The following PSMD1 variants were observed in gnomAD, a reference collection of about 807,000 sequenced individuals.
PSMD1 encodes 26S proteasome non-ATPase regulatory subunit 1.
PSMD1 carries 18 observed loss-of-function variants against 119.0 expected under a neutral mutation model. The ratio of observed to expected loss-of-function variants is 0.15; its 90% CI spans 0.10 to 0.22. PSMD1 has a LOEUF of 0.22. Among genes scored for constraint, PSMD1 ranks in the 10% least tolerant of loss-of-function variants. The pLI is 1.00. For synonymous variants in PSMD1, 374 were observed against 396.6 expected, an observed-to-expected ratio of 0.94 and a Z score of 0.68; for missense variants, 702 against 1,158.5, an observed-to-expected ratio of 0.61 and a Z score of 5.72.
chr2:231,083,827 C>T (rs1694371242), intron 14 of PSMD1, 64 bp downstream of exon 14: 1 of 1,489,430 alleles, frequency 6.7e-7, no homozygotes. Flanking sequence ...CTTAACTTCA[C>T]TGGAAATTAA....
At position 231,170,869 on chromosome 2, in the gene PSMD1, T is replaced by C; in HGVS notation, c.*9+148T>C. On this transcript the variant is annotated intron_variant, in intron 24 of 24. Coordinates refer to ENST00000308696, the MANE Select transcript of PSMD1 (RefSeq NM_002807.4). The surrounding 1 kb of genome is among the most constrained non-coding windows in gnomAD (Gnocchi z 4.1). ...TATTAAAACTTCCCCGTTTCAACCT[T>C]TTTCTGCATATATAACCACAAATTC... 1.2e-6 allele frequency: 1 copy of C among 838,844 alleles called. No homozygotes were observed. Among genetic ancestry groups the C allele is most frequent in the Non-Finnish European group, 1.7e-6 (1 of 575,968 alleles). 52.0% of individuals were successfully genotyped at this position (838,844 alleles called of 1,614,324 possible). A position where few individuals can be genotyped will look rare whatever the true frequency, so the allele number is the denominator to read the frequency against.
At chr2:231,069,919 G>T in intron 5 of PSMD1, 106 bp from the exon 6 acceptor site, 2 of 927,788 alleles carry the variant, frequency 2.2e-6, no homozygotes, top group Non-Finnish European at 2.9e-6. Context: ...TAAATAATTG[G>T]CTTCCTAGAT....
rs1191467631 is a variant in PSMD1, at chr2:231,146,277, C to T, written c.2036C>T (p.Pro679Leu). The stretch of plus-strand genomic sequence containing the variant: ...TTGCTAGAACCAATGACAAACGACC[C>T]CGTGAACTACGTGAGGCAAGGGGCA... ...INLLEPMTND[P>L]VNYVRQGALI... Residue 679 changes from proline (P) to leucine (L), a missense_variant, in exon 18 of 25, where the codon CCC becomes CTC. Pro to Leu is a moderately conservative substitution (Grantham distance 98). Transcript: ENST00000308696. The T allele has an allele frequency of 1.2e-6, 2 of 1,613,716 alleles. No homozygotes were observed. The highest frequency in any genetic ancestry group is 1.7e-6 in the Non-Finnish European group (2 of 1,179,820).
intron 16 of PSMD1, among the ~76,000 whole-genome samples, chr2:231,096,898 G>C (rs867847548): frequency 6.6e-6 from 1 of 152,218 alleles, no homozygotes; most frequent in Non-Finnish European, 1.5e-5. Flanking sequence ...GAATGAGTTA[G>C]GGTGGAGCAG....
intron 1 of PSMD1, among the ~76,000 whole-genome samples, 156 bp from the exon 2 acceptor site, chr2:231,061,111 T>C (rs115169600): frequency 0.01 from 1,585 of 152,366 alleles, 17 homozygotes; most frequent in Middle Eastern, 0.02. Context: ...ACTTGAGATA[T>C]AAACCTTTAC....
intron 16 of PSMD1, among the ~76,000 whole-genome samples, chr2:231,132,315 T>C (rs1559244653): frequency 6.6e-6 from 1 of 152,232 alleles, no homozygotes; most frequent in Non-Finnish European, 1.5e-5. Context: ...GATAAGCTCT[T>C]TCCTGTGAGT....
intron 16 of PSMD1, among the ~76,000 whole-genome samples, chr2:231,125,961 C>T (rs990417645): frequency 6.6e-6 from 1 of 152,174 alleles, no homozygotes; most frequent in Non-Finnish European, 1.5e-5. Context: ...CTGCTGAGCA[C>T]TTCAGATTTT....
intron 23 of PSMD1, among the ~76,000 whole-genome samples, chr2:231,167,518 C>G (rs1696815836): frequency 6.6e-6 from 1 of 152,152 alleles, no homozygotes; most frequent in Non-Finnish European, 1.5e-5. Flanking sequence ...AAAAGACTGC[C>G]TATGTCTGTG....
At chr2:231,083,105 T>C (rs1694353954) in intron 13 of PSMD1, 111 bp downstream of exon 13, 11 of 843,688 alleles carry the variant, frequency 1.3e-5, no homozygotes, top group Non-Finnish European at 2.0e-5. Context: ...TGGATTTCTC[T>C]AGTTGAAGAG....
chr2:231,083,491 G>C, intron 13 of PSMD1, 76 bp from the exon 14 acceptor site: 1 of 1,468,590 alleles, frequency 6.8e-7, no homozygotes, highest in Non-Finnish European at 9.5e-7. Context: ...TGCAAAAAGA[G>C]TGCTACTTTC....
chr2:231,139,083 A>T, intron 17 of PSMD1: 1 of 546,886 alleles, frequency 1.8e-6, no homozygotes, highest in Non-Finnish European at 3.3e-6. Flanking sequence ...GTGCTTTTGA[A>T]TTTCTTTTTG....
At chr2:231,164,767 A>C (rs1696717811) in intron 21 of PSMD1, among the ~76,000 whole-genome samples, 1 of 151,880 alleles carries the variant, frequency 6.6e-6, no homozygotes, top group South Asian at 2.1e-4. Flanking sequence ...TAGTCCAGAG[A>C]GGATATCTAC....
intron 16 of PSMD1, among the ~76,000 whole-genome samples, chr2:231,112,309 C>T (rs1295517628): frequency 6.6e-6 from 1 of 152,340 alleles, no homozygotes; most frequent in African/African-American, 2.4e-5. Context: ...TCTGTAGCTG[C>T]TTTTGGGGGG....
chr2:231,127,798 T>G, intron 16 of PSMD1, among the ~76,000 whole-genome samples: 1 of 152,338 alleles, frequency 6.6e-6, no homozygotes, highest in South Asian at 2.1e-4. Context: ...ATAAGAAATA[T>G]AAAAGTATGA....
intron 19 of PSMD1, among the ~76,000 whole-genome samples, chr2:231,159,468 A>T (rs1416909275): frequency 6.6e-6 from 1 of 152,028 alleles, no homozygotes; most frequent in Non-Finnish European, 1.5e-5. Flanking sequence ...TTAAAAACAA[A>T]ATGACCTAGT....
chr2:231,096,484 ATGATGT>A (rs1280078392), intron 16 of PSMD1, among the ~76,000 whole-genome samples: 3 of 152,150 alleles, frequency 2.0e-5, no homozygotes, highest in African/African-American at 7.2e-5. Context: ...GCCCTTCTGC[ATGATGT>A]TGTTTAAGAT....
chr2:231,166,454 C>T (rs1696786921), intron 23 of PSMD1, among the ~76,000 whole-genome samples: 1 of 151,174 alleles, frequency 6.6e-6, no homozygotes, highest in African/African-American at 2.4e-5. Flanking sequence ...GCACTGAGAA[C>T]AAGACTTGGG....
intron 5 of PSMD1, among the ~76,000 whole-genome samples, chr2:231,067,721 A>G (rs1049663195): frequency 4.6e-5 from 7 of 151,958 alleles, no homozygotes; most frequent in Admixed American, 1.3e-4. Flanking sequence ...CGGTGGCGCA[A>G]TCTTGGCTCA....
intron 16 of PSMD1, among the ~76,000 whole-genome samples, chr2:231,118,521 A>G (rs1252030662): frequency 6.6e-6 from 1 of 152,204 alleles, no homozygotes; most frequent in East Asian, 1.9e-4. Flanking sequence ...TTTATTTTAT[A>G]TACGGTACAG....
Sources: gnomAD v4.1 joint callset for allele counts (sites outside exome capture counted in the v4.1 genomes callset) on GRCh38, gnomAD v4.1.1 for gene constraint, Gnocchi (gnomAD v3.1) non-coding constraint, MANE v1.5 for transcripts, NCBI Gene and HGNC (gene_info 2026-07-23, HGNC 2026-07-21) for gene names.